RMND1: variants seen among roughly 807,000 people sequenced by gnomAD.
The protein encoded by RMND1 is required for meiotic nuclear division 1 homolog.
A neutral mutation model predicts 54.0 loss-of-function variants in RMND1; 41 were observed. The observed-to-expected ratio is 0.76, with a 90% CI of 0.59 to 0.98. The LOEUF (loss-of-function observed/expected upper bound fraction) is 0.98. Among genes scored for constraint, RMND1 ranks in the 50% least tolerant of loss-of-function variants. The pLI, the probability that RMND1 is intolerant of heterozygous loss-of-function variation, is 0.00. For missense variants in RMND1, 457 were observed against 532.0 expected (o/e 0.86, Z 1.39); for synonymous variants, 183 against 181.7 (o/e 1.01, Z -0.06).
chr6:151,449,367 A>G (rs1781060011), intron 1 of RMND1, among the ~76,000 whole-genome samples: 1 of 138,282 alleles, frequency 7.2e-6, no homozygotes, highest in Non-Finnish European at 1.6e-5. Flanking sequence ...AGATTCTGTA[A>G]CGAAAAAAAA....
chr6:151,428,980 T>C (rs1375918050), intron 5 of RMND1, among the ~76,000 whole-genome samples: 1 of 152,226 alleles, frequency 6.6e-6, no homozygotes, highest in Non-Finnish European at 1.5e-5. Context: ...TTTTCTTAAA[T>C]TTATTGGTCA....
chr6:151,433,920 A>C (rs1780519622), intron 3 of RMND1, among the ~76,000 whole-genome samples: 1 of 148,512 alleles, frequency 6.7e-6, no homozygotes, highest in African/African-American at 2.5e-5. Context: ...ATGCAGCCTC[A>C]ACCTCCTGAA....
intron 4 of RMND1, among the ~76,000 whole-genome samples, chr6:151,432,397 A>G (rs1278323220): frequency 6.6e-6 from 1 of 152,192 alleles, no homozygotes; most frequent in South Asian, 2.1e-4. Flanking sequence ...TAGGCATTGA[A>G]AGGAAAAAAG....
chr6:151,410,257 A>T (rs181470233), intron 10 of RMND1, among the ~76,000 whole-genome samples: 7 of 152,048 alleles, frequency 4.6e-5, no homozygotes, highest in Admixed American at 1.3e-4. Context: ...GGGTCTCACC[A>T]TGTTAGCCAG....
rs3757312 is a variant in RMND1, at chr6:151,405,040, G to T, written c.*195C>A. The stretch of plus-strand genomic sequence containing the variant: ...TGTGCCAACACACCTGGCTAATTTT[G>T]GTATTTTTAGTAGAGATGGGGTTTC... On this transcript the variant is annotated 3_prime_UTR_variant, in exon 12 of 12. Transcript: ENST00000444024. The T allele has an allele frequency of 0.31, 153,537 of 499,788 alleles. 28,779 individuals carry two copies. The highest frequency in any genetic ancestry group is 0.6 in the African/African-American group (29,457 of 49,092). The allele number at this position is 499,788 out of a possible 1,614,324, so 31.0% of individuals were successfully genotyped here. A position where few individuals can be genotyped will look rare whatever the true frequency, so the allele number is the denominator to read the frequency against.
intron 9 of RMND1, 80 bp from the exon 10 acceptor site, chr6:151,417,479 T>G: frequency 8.1e-7 from 1 of 1,240,662 alleles, no homozygotes; most frequent in South Asian, 1.5e-5. Context: ...ATTTACATAG[T>G]GCTTTATGAA....
At chr6:151,408,216 T>G (rs909656517) in intron 10 of RMND1, among the ~76,000 whole-genome samples, 1 of 151,984 alleles carries the variant, frequency 6.6e-6, no homozygotes, top group Non-Finnish European at 1.5e-5. Context: ...GTAAGTCAGC[T>G]GGGGGCGGTG....
chr6:151,412,740 G>C (rs1395267401), intron 10 of RMND1, among the ~76,000 whole-genome samples: 1 of 152,184 alleles, frequency 6.6e-6, no homozygotes, highest in African/African-American at 2.4e-5. Flanking sequence ...ATAGTGGAAG[G>C]TGAAGGGAGA....
At chr6:151,427,158 C>T (rs1780322720) in intron 6 of RMND1, among the ~76,000 whole-genome samples, 1 of 151,994 alleles carries the variant, frequency 6.6e-6, no homozygotes, top group Non-Finnish European at 1.5e-5. Flanking sequence ...GTGGGCGGAT[C>T]ACCAGGTCGA....
chr6:151,448,485 G>A (rs892069956), intron 1 of RMND1, among the ~76,000 whole-genome samples: 1 of 152,202 alleles, frequency 6.6e-6, no homozygotes, highest in Admixed American at 6.5e-5. Flanking sequence ...CCATTCATGA[G>A]CAGTAATAAG....
chr6:151,448,557 C>T (rs1781028879), intron 1 of RMND1, among the ~76,000 whole-genome samples: 1 of 152,154 alleles, frequency 6.6e-6, no homozygotes, highest in Non-Finnish European at 1.5e-5. Context: ...TCTCCATATC[C>T]AACTTCTCAG....
intron 10 of RMND1, among the ~76,000 whole-genome samples, chr6:151,407,716 G>A (rs1779674883): frequency 1.3e-5 from 2 of 152,026 alleles, no homozygotes. Flanking sequence ...GACCATCCTG[G>A]CTAACAGGGT....
At chr6:151,415,897 G>T (rs973656794) in intron 10 of RMND1, among the ~76,000 whole-genome samples, 1 of 152,094 alleles carries the variant, frequency 6.6e-6, no homozygotes, top group Non-Finnish European at 1.5e-5. Flanking sequence ...ACTGCCAGGG[G>T]TTAGGGACAG....
chr6:151,426,393 A>C (rs1253383326), intron 6 of RMND1, among the ~76,000 whole-genome samples: 6 of 152,168 alleles, frequency 3.9e-5, no homozygotes, highest in African/African-American at 1.4e-4. Flanking sequence ...GAGTCAGGAA[A>C]ATCAGCTAGT....
In RMND1 at chr6:151,445,433, A is replaced by G; in HGVS notation, c.379T>C (p.Phe127Leu). ...KWFIKILKRHFSSVSTETFVP... is the reference protein window; with the variant it reads ...KWFIKILKRHLSSVSTETFVP... ...AATGTTTCCGTTGATACAGATGAGAAATGCCTCTTTAATATTTTTATAAAC... is the reference window on the plus strand; with the variant it reads ...AATGTTTCCGTTGATACAGATGAGAGATGCCTCTTTAATATTTTTATAAAC... The change falls in exon 2 of 12, where the codon TTC (phenylalanine) becomes CTC (leucine). Residue 127 changes from phenylalanine (F) to leucine (L), a missense_variant. By Grantham distance (22) the Phe-to-Leu change is conservative. Coordinates refer to ENST00000444024, the MANE Select transcript of RMND1 (RefSeq NM_017909.4). The G allele has an allele frequency of 6.2e-7, 1 of 1,614,162 alleles. No individual in the cohort carries two copies. Among genetic ancestry groups the G allele is most frequent in the Non-Finnish European group, 8.5e-7 (1 of 1,180,020 alleles).
At chr6:151,432,142 T>C (rs1291429758) in intron 4 of RMND1, among the ~76,000 whole-genome samples, 3 of 152,118 alleles carry the variant, frequency 2.0e-5, no homozygotes, top group Admixed American at 6.5e-5. Context: ...TTTCACCATG[T>C]TGGCCAGGCT....
chr6:151,443,585 C>T (rs111234803), intron 2 of RMND1, among the ~76,000 whole-genome samples: 15,144 of 152,174 alleles, frequency 0.1, 806 homozygotes, highest in Middle Eastern at 0.18. Context: ...GTTGGGATTA[C>T]AGCTGTGAGC....
Position 151,433,949 on chromosome 6 carries a change from G to A in RMND1, c.614-719C>T, listed in dbSNP as rs113824149. ...TCCTGAACTCAAGGGACCCCCCCCCGCCCCACCCACCTCAGCCTCCCAAGT... is the reference window on the plus strand; with the variant it reads ...TCCTGAACTCAAGGGACCCCCCCCCACCCCACCCACCTCAGCCTCCCAAGT... On this transcript the variant is annotated intron_variant, in intron 3 of 11. Transcript: ENST00000444024. 1.1e-4 allele frequency among the ~76,000 whole-genome samples: 5 copies of A among 45,084 alleles called. 1 individual carries two copies. Among genetic ancestry groups the A allele is most frequent in the South Asian group, 1.8e-3 (2 of 1,114 alleles). 29.6% of individuals were successfully genotyped at this position (45,084 alleles called of 152,430 possible). A position where few individuals can be genotyped will look rare whatever the true frequency, so the allele number is the denominator to read the frequency against.
At chr6:151,442,976 G>A (rs1349487414) in intron 2 of RMND1, among the ~76,000 whole-genome samples, 2 of 152,136 alleles carry the variant, frequency 1.3e-5, no homozygotes, top group South Asian at 2.1e-4. Flanking sequence ...CCAGATGCAC[G>A]CTGTTCTGCA....
Sources: allele counts gnomAD v4.1 joint callset (sites outside exome capture counted in the v4.1 genomes callset), GRCh38; gene constraint gnomAD v4.1.1; transcripts MANE v1.5; gene names NCBI Gene and HGNC (gene_info 2026-07-23, HGNC 2026-07-21).